Variants in PDE1C observed in about 807,000 individuals in gnomAD.
PDE1C encodes the protein phosphodiesterase 1C.
PDE1C carries 62 observed loss-of-function variants against 93.1 expected under a neutral mutation model. The ratio of observed to expected loss-of-function variants is 0.67; its 90% CI spans 0.54 to 0.82. The LOEUF is 0.82. Ranked by LOEUF, PDE1C falls within the 40% of genes least tolerant of loss-of-function variation. The pLI is 0.00. For missense variants in PDE1C, 742 were observed against 884.6 expected (o/e 0.84, Z 2.04); for synonymous variants, 325 against 310.1 (o/e 1.05, Z -0.50).
intron 1 of PDE1C, among the ~76,000 whole-genome samples, chr7:32,408,734 G>A (rs972206073): frequency 1.3e-5 from 2 of 151,970 alleles, no homozygotes; most frequent in East Asian, 1.9e-4. Context: ...GGTTGCAGTG[G>A]GCCAAGATTA....
At chr7:32,353,690 T>C (rs1013237197) in intron 1 of PDE1C, among the ~76,000 whole-genome samples, 8 of 152,186 alleles carry the variant, frequency 5.3e-5, no homozygotes, top group African/African-American at 1.7e-4. Flanking sequence ...TTGCAATTTA[T>C]TTGAGTGTAT....
intron 2 of PDE1C, among the ~76,000 whole-genome samples, chr7:31,955,722 A>G (rs988138182): frequency 1.3e-5 from 2 of 152,170 alleles, no homozygotes; most frequent in Non-Finnish European, 1.5e-5. Context: ...TTGAAACGTA[A>G]AAAAATTGAG....
intron 1 of PDE1C, among the ~76,000 whole-genome samples, chr7:32,285,741 G>T (rs2128894611): frequency 6.8e-6 from 1 of 146,914 alleles, no homozygotes; most frequent in Non-Finnish European, 1.5e-5. Flanking sequence ...GAGTGGTACT[G>T]GGGAGAAGAG....
At chr7:32,090,414 A>T (rs1797406322) in intron 3 of PDE1C, among the ~76,000 whole-genome samples, 3 of 152,166 alleles carry the variant, frequency 2.0e-5, no homozygotes, top group African/African-American at 7.2e-5. Context: ...TCTAAATTCC[A>T]GCAGTACCAG....
intron 1 of PDE1C, among the ~76,000 whole-genome samples, chr7:32,297,997 CCTCT>C (rs1166716211): frequency 3.8e-4 from 3 of 7,860 alleles, no homozygotes; most frequent in African/African-American, 1.6e-3. Context: ...CTCTCTCTCT[CCTCT>C]CTCTCTCTCT....
At chr7:31,664,652 A>G in the PDE1C span, among the ~76,000 whole-genome samples, 7 of 152,194 alleles carry the variant, frequency 4.6e-5, no homozygotes, top group African/African-American at 1.4e-4. Context: ...TTTGCTTTAT[A>G]AACTTTTGCC....
intron 1 of PDE1C, among the ~76,000 whole-genome samples, chr7:32,319,325 C>A (rs1158751316): frequency 1.3e-5 from 2 of 152,212 alleles, no homozygotes. Flanking sequence ...TGCCCCTTGA[C>A]TTGGTGTTCC....
intron 16 of PDE1C, among the ~76,000 whole-genome samples, chr7:31,779,445 T>C (rs1783236560): frequency 5.3e-5 from 8 of 152,220 alleles, no homozygotes; most frequent in Admixed American, 5.2e-4. Flanking sequence ...TGATAGCTTT[T>C]CGTAGAGGTA....
At chr7:32,365,853 C>T (rs916234617) in intron 1 of PDE1C, among the ~76,000 whole-genome samples, 1 of 152,104 alleles carries the variant, frequency 6.6e-6, no homozygotes, top group African/African-American at 2.4e-5. Flanking sequence ...ACAGAGATTA[C>T]ACGACTGTGT....
the PDE1C span, among the ~76,000 whole-genome samples, chr7:31,639,242 C>G: frequency 6.6e-6 from 1 of 152,182 alleles, no homozygotes; most frequent in Non-Finnish European, 1.5e-5. Flanking sequence ...TTGGACTTGT[C>G]TCATCACTTG....
chr7:31,782,653 G>A (rs1783519122), intron 16 of PDE1C, among the ~76,000 whole-genome samples: 1 of 152,170 alleles, frequency 6.6e-6, no homozygotes, highest in Admixed American at 6.5e-5. Flanking sequence ...ATGCCATAAA[G>A]GATGTAAACC....
At chr7:31,667,453 T>C in the PDE1C span, among the ~76,000 whole-genome samples, 1 of 152,246 alleles carries the variant, frequency 6.6e-6, no homozygotes, top group South Asian at 2.1e-4. Context: ...AGTCAGAATA[T>C]AGTTTAAATA....
chr7:31,815,499 C>T (rs1043111518), intron 15 of PDE1C, among the ~76,000 whole-genome samples: 9 of 152,238 alleles, frequency 5.9e-5, no homozygotes, highest in African/African-American at 1.7e-4. Flanking sequence ...CACTTGTACA[C>T]ACACAGATAT....
At chr7:31,841,859 T>C (rs1791947865) in intron 9 of PDE1C, among the ~76,000 whole-genome samples, 1 of 152,088 alleles carries the variant, frequency 6.6e-6, no homozygotes, top group African/African-American at 2.4e-5. Context: ...CCCAATATTG[T>C]ACTTCCAACT....
intron 1 of PDE1C, among the ~76,000 whole-genome samples, chr7:32,348,278 C>T (rs921405444): frequency 2.0e-5 from 3 of 151,346 alleles, no homozygotes; most frequent in Non-Finnish European, 4.4e-5. Context: ...ACAATAAGTG[C>T]TCAATAAATG....
chr7:31,707,143 C>A, the PDE1C span: 82 of 1,490,674 alleles, frequency 5.5e-5, no homozygotes, highest in African/African-American at 1.1e-3. Flanking sequence ...TGTCTGTCTG[C>A]AACGTTGCCT....
chr7:32,184,268 T>C (rs1479630001), intron 2 of PDE1C, among the ~76,000 whole-genome samples: 2 of 152,236 alleles, frequency 1.3e-5, no homozygotes, highest in East Asian at 1.9e-4. Context: ...GAACTAGAAA[T>C]ACCATTTGAC....
At chr7:32,324,449 G>A (rs111577014) in intron 1 of PDE1C, among the ~76,000 whole-genome samples, 85 of 152,300 alleles carry the variant, frequency 5.6e-4, no homozygotes, top group African/African-American at 2.0e-3. Flanking sequence ...TAAGCACTTT[G>A]TTCCCAGGGA....
intron 1 of PDE1C, among the ~76,000 whole-genome samples, chr7:32,229,780 T>C (rs989201372): frequency 1.3e-5 from 2 of 152,274 alleles, no homozygotes; most frequent in Non-Finnish European, 2.9e-5. Context: ...CTTGTGCAAC[T>C]GAAGGCAGGT....
Sources: allele counts gnomAD v4.1 joint callset (sites outside exome capture counted in the v4.1 genomes callset), GRCh38; gene constraint gnomAD v4.1.1; transcripts MANE v1.5; gene names NCBI Gene and HGNC (gene_info 2026-07-23, HGNC 2026-07-21).